The following ATP8A1 variants were observed in gnomAD, a reference collection of about 807,000 sequenced individuals.
ATP8A1 encodes ATPase phospholipid transporting 8A1.
Under a neutral mutation model 177.7 loss-of-function variants are expected in ATP8A1, and 90 were observed. The observed-to-expected ratio is 0.51, with a 90% confidence interval of 0.43 to 0.60. The LOEUF (loss-of-function observed/expected upper bound fraction) is 0.60, where lower values mean the gene tolerates loss of function less well. Ranked by LOEUF, ATP8A1 falls within the 20% of genes least tolerant of loss-of-function variation. The pLI is 0.00. For missense variants in ATP8A1, 1,072 were observed against 1,392.8 expected, an observed-to-expected ratio of 0.77 and a Z score of 3.67; for synonymous variants, 493 against 485.9, an observed-to-expected ratio of 1.01 and a Z score of -0.19.
chr4:42,476,242 C>G (rs1721048425), intron 25 of ATP8A1, among the ~76,000 whole-genome samples: 1 of 151,994 alleles, frequency 6.6e-6, no homozygotes, highest in African/African-American at 2.4e-5. Flanking sequence ...AACAAAGGAT[C>G]CCCCCTCCTT....
intron 24 of ATP8A1, among the ~76,000 whole-genome samples, chr4:42,490,114 C>T (rs1284881900): frequency 3.9e-5 from 6 of 152,150 alleles, no homozygotes; most frequent in South Asian, 4.1e-4. Context: ...GTGAGATTCT[C>T]GTGCCCCTTC....
At chr4:42,461,244 CTTTCT>C (rs1719100472) in intron 27 of ATP8A1, among the ~76,000 whole-genome samples, 6 of 84,532 alleles carry the variant, frequency 7.1e-5, no homozygotes, top group Admixed American at 4.3e-4. Flanking sequence ...TCAATTTTTT[CTTTCT>C]TTTTTTTTTT....
At chr4:42,500,365 A>AAAAACAAAACAAAACAAAACAAAAC in intron 24 of ATP8A1, among the ~76,000 whole-genome samples, 1 of 149,428 alleles carries the variant, frequency 6.7e-6, no homozygotes, top group African/African-American at 2.5e-5. Flanking sequence ...ACTCGGTCTC[A>AAAAACAAAACAAAACAAAACAAAAC]AAAACAAAAC....
Position 42,503,587 on chromosome 4 carries a change from G to A in ATP8A1, c.2087-73C>T, listed in dbSNP as rs543311996. ...TGTAAAGATGTTAAAACAATGATAT[G>A]TACTATGAAAATATCTAAAGATGAT... is the stretch of plus-strand genomic sequence containing the variant. On this transcript the variant is annotated intron_variant, in intron 23 of 36. Transcript: ENST00000381668. 404 of 979,422 alleles carry A rather than the reference G, an allele frequency of 4.1e-4. 1 individual carries two copies. Among genetic ancestry groups the A allele is most frequent in the Non-Finnish European group, 5.9e-4 (386 of 649,990 alleles). 60.7% of individuals were successfully genotyped at this position (979,422 alleles called of 1,614,324 possible).
At chr4:42,453,302 C>T (rs1718133620) in intron 29 of ATP8A1, among the ~76,000 whole-genome samples, 1 of 152,130 alleles carries the variant, frequency 6.6e-6, no homozygotes. Context: ...CATTTTGTAG[C>T]CATTTGTCCC....
intron 5 of ATP8A1, among the ~76,000 whole-genome samples, chr4:42,614,291 T>C (rs574112211): frequency 1.3e-5 from 2 of 152,286 alleles, no homozygotes; most frequent in African/African-American, 2.4e-5. Context: ...AGCCAAGGCT[T>C]GAAAATCAAT....
intron 33 of ATP8A1, among the ~76,000 whole-genome samples, chr4:42,426,601 G>A (rs1052973430): frequency 6.6e-6 from 1 of 152,204 alleles, no homozygotes; most frequent in Non-Finnish European, 1.5e-5. Context: ...TGTTTGTAAA[G>A]TGGCTGCATA....
chr4:42,445,794 T>A (rs1169955236), intron 31 of ATP8A1, among the ~76,000 whole-genome samples: 1 of 152,064 alleles, frequency 6.6e-6, no homozygotes, highest in Non-Finnish European at 1.5e-5. Context: ...AAAGAAGAGA[T>A]ATAGGCCAGG....
chr4:42,465,395 A>G (rs188662125), intron 25 of ATP8A1, among the ~76,000 whole-genome samples: 2 of 152,368 alleles, frequency 1.3e-5, no homozygotes, highest in Admixed American at 1.3e-4. Flanking sequence ...CTTCACTTAC[A>G]AATTAAAAAC....
At chr4:42,587,202 G>T (rs1733700413) in intron 8 of ATP8A1, among the ~76,000 whole-genome samples, 1 of 152,186 alleles carries the variant, frequency 6.6e-6, no homozygotes, top group African/African-American at 2.4e-5. Context: ...AATGGCAATA[G>T]AAAGTACGGC....
At chr4:42,543,870 T>A (rs771738154) in intron 20 of ATP8A1, 47 bp downstream of exon 20, 217 of 1,383,490 alleles carry the variant, frequency 1.6e-4, no homozygotes, top group Admixed American at 2.5e-4. Flanking sequence ...ATATACATTA[T>A]AAACCATCAT....
chr4:42,417,551 G>A (rs748071930), intron 35 of ATP8A1, among the ~76,000 whole-genome samples: 4 of 152,106 alleles, frequency 2.6e-5, no homozygotes, highest in Non-Finnish European at 5.9e-5. Flanking sequence ...TTTGGTGGAG[G>A]TGAATATAAA....
intron 34 of ATP8A1, among the ~76,000 whole-genome samples, chr4:42,423,279 TTTC>T (rs1253136102): frequency 6.6e-6 from 1 of 152,104 alleles, no homozygotes; most frequent in Non-Finnish European, 1.5e-5. Context: ...AAGCAAAACA[TTTC>T]TTTTTATAAT....
intron 31 of ATP8A1, 151 bp from the exon 32 acceptor site, chr4:42,444,785 G>C: frequency 1.2e-6 from 1 of 803,276 alleles, no homozygotes; most frequent in Non-Finnish European, 2.0e-6. Flanking sequence ...CAAAGAGACA[G>C]GTAAATTAGC....
At chr4:42,580,140 A>G (rs932601255) in intron 10 of ATP8A1, among the ~76,000 whole-genome samples, 162 bp from the exon 11 acceptor site, 3 of 152,136 alleles carry the variant, frequency 2.0e-5, no homozygotes, top group Admixed American at 1.3e-4. Context: ...TAAGGTGCCA[A>G]TGGTTAACCA....
At chr4:42,437,003 A>G (rs1716071171) in intron 33 of ATP8A1, among the ~76,000 whole-genome samples, 1 of 152,240 alleles carries the variant, frequency 6.6e-6, no homozygotes, top group Non-Finnish European at 1.5e-5. Context: ...TTTTTCAGAA[A>G]GCCTTTACAA....
intron 13 of ATP8A1, 111 bp from the exon 14 acceptor site, chr4:42,574,818 C>CT: frequency 1.5e-6 from 1 of 672,198 alleles, no homozygotes; most frequent in Non-Finnish European, 2.5e-6. Context: ...ATGAATATTA[C>CT]TAAGGAACTA....
chr4:42,533,934 C>T (rs994314826), intron 20 of ATP8A1, among the ~76,000 whole-genome samples: 1 of 152,112 alleles, frequency 6.6e-6, no homozygotes, highest in Non-Finnish European at 1.5e-5. Context: ...CAATCACTGC[C>T]GTTTGGCTCT....
At chr4:42,587,853 C>T (rs1733785073) in intron 8 of ATP8A1, among the ~76,000 whole-genome samples, 1 of 152,176 alleles carries the variant, frequency 6.6e-6, no homozygotes, top group Non-Finnish European at 1.5e-5. Context: ...TGTGATTCAC[C>T]TGCCTCAGCC....
Sources: allele counts gnomAD v4.1 joint callset (sites outside exome capture counted in the v4.1 genomes callset), GRCh38; gene constraint gnomAD v4.1.1; transcripts MANE v1.5; gene names NCBI Gene and HGNC (gene_info 2026-07-23, HGNC 2026-07-21).